SLC12A9: variants seen among roughly 807,000 people sequenced by gnomAD.
SLC12A9 encodes CCC-interacting protein 1.
Under a neutral mutation model 66.0 loss-of-function variants are expected in SLC12A9, and 55 were observed. That is an observed-to-expected ratio of 0.83 (90% CI 0.67 to 1.04). The LOEUF is 1.04. SLC12A9 is among the 50% of genes least tolerant of loss of function. The pLI is 0.00. For synonymous variants in SLC12A9, 577 were observed against 569.0 expected (o/e 1.01, Z -0.20); for missense variants, 1,061 against 1,241.9 (o/e 0.85, Z 2.19).
chr7:100,835,329 G>A (rs1428733356), intron 1 of SLC12A9, among the ~76,000 whole-genome samples: 3 of 138,344 alleles, frequency 2.2e-5, no homozygotes, highest in South Asian at 4.8e-4. Context: ...CACTCCAGCC[G>A]GGGCAACAAA....
intron 1 of SLC12A9, among the ~76,000 whole-genome samples, chr7:100,838,922 G>C (rs1444698536): frequency 3.3e-5 from 5 of 152,036 alleles, no homozygotes; most frequent in Admixed American, 2.6e-4. Context: ...ATCCTGTTTT[G>C]TTCCGATCTA....
intron 1 of SLC12A9, among the ~76,000 whole-genome samples, chr7:100,840,506 G>A (rs999721402): frequency 3.3e-5 from 5 of 151,788 alleles, no homozygotes; most frequent in African/African-American, 7.3e-5. Context: ...TAGACCCCCC[G>A]CCCCCAACAC....
In SLC12A9 at chr7:100,866,598, A is replaced by T. The variant is rs1484347669; in HGVS notation, c.2738A>T (p.Asp913Val). 3 of 1,570,824 alleles carry T rather than the reference A, an allele frequency of 1.9e-6. No individual in the cohort carries two copies. Among genetic ancestry groups the T allele is most frequent in the Non-Finnish European group, 2.6e-6 (3 of 1,158,112 alleles). ...GGGGTCACTCCAGTCACCTGCACTGATCTGTGATGCCCCTGCCTCCAGGGC... is the reference window on the plus strand; with the variant it reads ...GGGGTCACTCCAGTCACCTGCACTGTTCTGTGATGCCCCTGCCTCCAGGGC... ...VHGVTPVTCT[D>V]L is the part of the protein sequence containing the mutation. The change falls in exon 14 of 14, where the codon GAT (aspartate) becomes GTT (valine). Residue 913 changes from aspartate (D) to valine (V), a missense_variant. Asp to Val is a radical substitution (Grantham distance 152). Transcript: ENST00000354161. This position sits in a 1 kb window ranked among gnomAD's most constrained non-coding sequence, Gnocchi z 7.3.
chr7:100,866,273 G>T lies in SLC12A9; in HGVS notation c.2413G>T (p.Glu805Ter). Residue 805 changes from glutamate (E) to a stop codon, truncating the protein, a stop_gained, in exon 14 of 14, where the codon GAG becomes TAG. Coordinates refer to ENST00000354161, the MANE Select transcript of SLC12A9 (RefSeq NM_020246.4). LOFTEE classifies it low-confidence loss of function (END_TRUNC). This position sits in a 1 kb window ranked among gnomAD's most constrained non-coding sequence, Gnocchi z 7.3. Reference sequence around the variant, plus strand: ...TGAGGTGCAGGAGGTGGTGTGGGGCGAGGGGGCCGGGGCTGGGGAACCCGA... The same window carrying T: ...TGAGGTGCAGGAGGTGGTGTGGGGCTAGGGGGCCGGGGCTGGGGAACCCGA... ...RAEVQEVVWG[E>*]GAGAGEPEAE... 6.5e-7 allele frequency: 1 copy of T among 1,548,892 alleles called. No homozygotes were observed. The highest frequency in any genetic ancestry group is 8.7e-7 in the Non-Finnish European group (1 of 1,146,978).
At chr7:100,856,542 TCTCA>T (rs1814399925) in intron 4 of SLC12A9, 1 of 234,586 alleles carries the variant, frequency 4.3e-6, no homozygotes, top group Non-Finnish European at 8.2e-6. Flanking sequence ...TGAGAGAAGG[TCTCA>T]CTCTGTCACC....
chr7:100,839,040 A>G (rs993267254), intron 1 of SLC12A9, among the ~76,000 whole-genome samples: 6 of 152,028 alleles, frequency 3.9e-5, no homozygotes, highest in Non-Finnish European at 5.9e-5. Context: ...AAAGACAGGA[A>G]TTGCCGGGCG....
At chr7:100,850,781 G>A (rs778045432), upstream of SLC12A9, among the ~76,000 whole-genome samples, 5 of 149,170 alleles carry the variant, frequency 3.4e-5, no homozygotes, top group African/African-American at 5.0e-5. Context: ...GTGTAATGGC[G>A]AGATCTCAGC....
Position 100,865,879 on chromosome 7 carries a change from G to C in SLC12A9, c.2019G>C (p.Gly673=). ...STLFPPPRAP[G]SPRALNPQDY... is the part of the protein sequence containing the mutation. ...TGTTCCCTCCTCCCCGGGCTCCTGG[G>C]AGCCCCCGGGCCCTCAATCCCCAGG... Residue 673 remains glycine, a synonymous_variant, in exon 14 of 14, where the codon GGG becomes GGC. Transcript: ENST00000354161. 6.2e-7 allele frequency: 1 copy of C among 1,613,572 alleles called. No individual in the cohort carries two copies.
chr7:100,827,033 C>A (rs1347240216), exon 1 of SLC12A9: 16 of 1,581,290 alleles, frequency 1.0e-5, no homozygotes, highest in Non-Finnish European at 1.3e-5. Context: ...AGCTCCATGG[C>A]GCCGCCTCAC....
chr7:100,847,867 C>T (rs1009630421), upstream of SLC12A9, among the ~76,000 whole-genome samples: 9 of 151,774 alleles, frequency 5.9e-5, no homozygotes, highest in East Asian at 1.9e-4. Flanking sequence ...GGGCGGATCA[C>T]GTGAGGTCAG....
chr7:100,863,312 C>T (rs1814878524), intron 13 of SLC12A9, among the ~76,000 whole-genome samples: 1 of 151,938 alleles, frequency 6.6e-6, no homozygotes, highest in Admixed American at 6.6e-5. Flanking sequence ...GTGATCTACC[C>T]GCCTCGGCCT....
upstream of SLC12A9, among the ~76,000 whole-genome samples, chr7:100,849,714 TAA>T (rs1274563151): frequency 5.9e-5 from 8 of 136,198 alleles, no homozygotes; most frequent in East Asian, 2.1e-4. Context: ...AGACTCTGTC[TAA>T]AAAAAAAAAA....
rs901050672 is a variant in SLC12A9 at position 100,865,928 on chromosome 7, G to A, written c.2068G>A (p.Ala690Thr). The A allele has an allele frequency of 8.1e-6, 13 of 1,613,454 alleles. No homozygotes were observed. The highest frequency in any genetic ancestry group is 2.2e-5 in the South Asian group (2 of 91,078). The change falls in exon 14 of 14, where the codon GCC (alanine) becomes ACC (threonine). Residue 690 changes from alanine to threonine, a missense_variant. Ala to Thr is a moderately conservative substitution (Grantham distance 58). Transcript: ENST00000354161. ...PQDYVATVADALKMNKNVVLA... is the reference protein window; with the variant it reads ...PQDYVATVADTLKMNKNVVLA... Reference sequence around the variant, plus strand: ...GGACTATGTGGCCACGGTGGCCGACGCCCTCAAGATGAACAAGAATGTGGT... The same window carrying A: ...GGACTATGTGGCCACGGTGGCCGACACCCTCAAGATGAACAAGAATGTGGT...
In SLC12A9 at chr7:100,860,237, G is replaced by A; in HGVS notation, c.1218+5G>A. The A allele has an allele frequency of 6.2e-7, 1 of 1,613,032 alleles. No individual in the cohort carries two copies. Among genetic ancestry groups the A allele is most frequent in the Non-Finnish European group, 8.5e-7 (1 of 1,179,346 alleles). On this transcript the variant is annotated splice_donor_5th_base_variant and intron_variant, in intron 9 of 13. Coordinates refer to ENST00000354161, the MANE Select transcript of SLC12A9 (RefSeq NM_020246.4). ...TATTCTTGGGGCCTGGTGCAGGTGAGCCTTCTTCTTCAAGGGGCCCTTTCC... is the reference window on the plus strand; with the variant it reads ...TATTCTTGGGGCCTGGTGCAGGTGAACCTTCTTCTTCAAGGGGCCCTTTCC...
chr7:100,826,956 C>T (rs757547484), exon 1 of SLC12A9: 5 of 1,444,196 alleles, frequency 3.5e-6, no homozygotes, highest in Non-Finnish European at 4.6e-6. Flanking sequence ...ACGGGGTGCG[C>T]CCCCCCCCGC....
intron 1 of SLC12A9, among the ~76,000 whole-genome samples, chr7:100,827,972 G>A (rs894451524): frequency 2.0e-5 from 3 of 152,226 alleles, no homozygotes; most frequent in African/African-American, 7.2e-5. Flanking sequence ...TCTTGGATGC[G>A]CCCACCACCC....
chr7:100,862,717 G>A lies in SLC12A9; in HGVS notation c.1748G>A (p.Gly583Glu), dbSNP rs1446079832. Residue 583 changes from glycine to glutamate, a missense_variant, in exon 13 of 14, where the codon GGG becomes GAG. Physicochemically the swap from Gly to Glu is moderately conservative, Grantham distance 98. Transcript: ENST00000354161. ...TCGGACCCTGTACAGCCGCAGTATG[G>A]GGCATGGCTCAGCCTGGTGGACCGT... ...LPSDPVQPQY[G>E]AWLSLVDRAQ... 6.2e-7 allele frequency: 1 copy of A among 1,614,092 alleles called. No individual in the cohort carries two copies. The highest frequency in any genetic ancestry group is 8.5e-7 in the Non-Finnish European group (1 of 1,180,056).
intron 1 of SLC12A9, among the ~76,000 whole-genome samples, chr7:100,844,720 TGATCCTCGCTAGAAAAAA>T: frequency 6.6e-6 from 1 of 152,244 alleles, no homozygotes; most frequent in Middle Eastern, 3.4e-3. Context: ...CCAATCCCCT[TGATCCTCGCTAGAAAAAA>T]GAGGAGCGTG....
intron 1 of SLC12A9, chr7:100,827,549 G>T: frequency 6.6e-6 from 1 of 152,546 alleles, no homozygotes; most frequent in South Asian, 1.9e-4. Context: ...GGGCCCGGGA[G>T]GGAGGGGCGC....
Sources: allele counts gnomAD v4.1 joint callset (sites outside exome capture counted in the v4.1 genomes callset), GRCh38; gene constraint gnomAD v4.1.1; non-coding constraint Gnocchi (gnomAD v3.1); transcripts MANE v1.5; gene names NCBI Gene and HGNC (gene_info 2026-07-23, HGNC 2026-07-21).